Variants in MYO16 observed in about 807,000 individuals in gnomAD.
MYO16 encodes unconventional myosin-XVI.
A neutral mutation model predicts 205.3 loss-of-function variants in MYO16; 94 were observed. That is an observed-to-expected ratio of 0.46 (90% CI 0.39 to 0.54). The LOEUF is 0.54. Among genes scored for constraint, MYO16 ranks in the 20% least tolerant of loss-of-function variants. MYO16 has a pLI of 0.00. For missense variants in MYO16, 2,315 were observed against 2,387.5 expected, an observed-to-expected ratio of 0.97 and a Z score of 0.63; for synonymous variants, 988 against 954.0, an observed-to-expected ratio of 1.04 and a Z score of -0.66.
At chr13:108,846,669 C>A (rs80032015) in intron 10 of MYO16, among the ~76,000 whole-genome samples, 2,643 of 152,024 alleles carry the variant, frequency 0.017, 87 homozygotes, top group East Asian at 0.12. Flanking sequence ...TTATTTTCCT[C>A]ATATTTTAAT....
the MYO16 span, among the ~76,000 whole-genome samples, chr13:108,524,661 A>G: frequency 6.6e-6 from 1 of 152,132 alleles, no homozygotes; most frequent in East Asian, 1.9e-4. Flanking sequence ...TCTTTGAAAC[A>G]CCTTCACCTT....
chr13:108,659,110 A>T (rs1881376870), intron 1 of MYO16, among the ~76,000 whole-genome samples: 2 of 149,872 alleles, frequency 1.3e-5, no homozygotes, highest in Admixed American at 1.3e-4. Flanking sequence ...TTATATTTCT[A>T]GTTAGTTATA....
chr13:109,087,918 T>C (rs975862981), intron 27 of MYO16, among the ~76,000 whole-genome samples: 1 of 152,204 alleles, frequency 6.6e-6, no homozygotes, highest in African/African-American at 2.4e-5. Context: ...CAAATGAACA[T>C]CTGTTCTTTT....
intron 3 of MYO16, among the ~76,000 whole-genome samples, chr13:108,724,897 T>A (rs1594242430): frequency 2.0e-4 from 1 of 5,076 alleles, no homozygotes; most frequent in Admixed American, 3.6e-3. Context: ...AATGAAAAAA[T>A]ATATATAACT....
At position 108,980,363 on chromosome 13, in the gene MYO16, G is replaced by C. The variant is rs147831549; in HGVS notation, c.2370-12013G>C. Among the ~76,000 whole-genome samples, 28 of 152,270 alleles carry C rather than the reference G, an allele frequency of 1.8e-4. No individual in the cohort carries two copies. In the East Asian group the frequency reaches 5.2e-3, roughly 28 times the overall value. The stretch of plus-strand genomic sequence containing the variant: ...TGCTCTTGTTTCATTTCTAACTGGG[G>C]AAATGCATTTGGCCTCTTTTCAACC... On this transcript the variant is annotated intron_variant, in intron 20 of 34. Transcript: ENST00000457511.
the MYO16 span, among the ~76,000 whole-genome samples, chr13:108,569,379 T>C: frequency 6.6e-6 from 1 of 152,196 alleles, no homozygotes; most frequent in Admixed American, 6.5e-5. Flanking sequence ...CTACTTCTTT[T>C]GTTAAATTTA....
At chr13:108,932,684 G>C (rs1443521194) in intron 16 of MYO16, among the ~76,000 whole-genome samples, 2 of 152,090 alleles carry the variant, frequency 1.3e-5, no homozygotes, top group Non-Finnish European at 2.9e-5. Context: ...CTTGTTGTCT[G>C]GCTGTGCATC....
At position 108,706,134 on chromosome 13, in the gene MYO16, T is replaced by C. The variant is rs116764811; in HGVS notation, c.293-6527T>C. ...TTTCGTAATAACTCCAACCAACATGTACAAGAAATAATGATAAAACCTTCT... is the reference window on the plus strand; with the variant it reads ...TTTCGTAATAACTCCAACCAACATGCACAAGAAATAATGATAAAACCTTCT... On this transcript the variant is annotated intron_variant, in intron 2 of 34. Coordinates refer to ENST00000457511, the MANE Select transcript of MYO16 (RefSeq NM_001198950.3). Among the ~76,000 whole-genome samples, 277 of 152,288 alleles carry C rather than the reference T, an allele frequency of 1.8e-3. 1 individual carries two copies. The highest frequency in any genetic ancestry group is 6.4e-3 in the African/African-American group (266 of 41,564).
At chr13:108,775,909 G>A (rs933156468) in intron 4 of MYO16, among the ~76,000 whole-genome samples, 4 of 152,274 alleles carry the variant, frequency 2.6e-5, no homozygotes, top group South Asian at 2.1e-4. Context: ...TTCGAAGCAC[G>A]TCACCTTAGC....
the MYO16 span, among the ~76,000 whole-genome samples, chr13:108,539,492 G>A: frequency 6.6e-6 from 1 of 152,102 alleles, no homozygotes; most frequent in East Asian, 1.9e-4. Flanking sequence ...GAAACCAGGA[G>A]AAGAAGGTGT....
intron 27 of MYO16, among the ~76,000 whole-genome samples, chr13:109,082,604 G>T (rs1198832760): frequency 6.6e-6 from 1 of 152,084 alleles, no homozygotes; most frequent in Non-Finnish European, 1.5e-5. Context: ...GGAGACTAAG[G>T]CGAGTGGATC....
At position 108,662,208 on chromosome 13, in the gene MYO16, C is replaced by A. The variant is rs541337363; in HGVS notation, c.29-3678C>A. 2.2e-3 allele frequency among the ~76,000 whole-genome samples: 339 copies of A among 152,310 alleles called. 4 individuals are homozygous for A. The highest frequency in any genetic ancestry group is 2.7e-3 in the Non-Finnish European group (186 of 68,020). ...AGGTGGTGAAGGCTGCAGTGGACTG[C>A]ATAAGTGTCCTTGGCTTTGGTGGTT... On this transcript the variant is annotated intron_variant, in intron 1 of 34. Coordinates refer to ENST00000457511, the MANE Select transcript of MYO16 (RefSeq NM_001198950.3).
intron 12 of MYO16, among the ~76,000 whole-genome samples, chr13:108,879,188 A>T (rs561480558): frequency 6.6e-6 from 1 of 152,176 alleles, no homozygotes; most frequent in Non-Finnish European, 1.5e-5. Context: ...TTTGTACTTG[A>T]TGTAAGTGAA....
intron 3 of MYO16, among the ~76,000 whole-genome samples, chr13:108,718,507 A>G (rs958810015): frequency 2.0e-5 from 3 of 150,620 alleles, no homozygotes; most frequent in East Asian, 4.2e-4. Context: ...AGGATGTGGA[A>G]TGGGGGCCCC....
chr13:108,931,070 T>G (rs964344994), intron 16 of MYO16, among the ~76,000 whole-genome samples: 2 of 152,210 alleles, frequency 1.3e-5, no homozygotes, highest in Non-Finnish European at 2.9e-5. Context: ...GGCTCCCCTG[T>G]AAATACACCC....
chr13:108,577,361 G>A, the MYO16 span, among the ~76,000 whole-genome samples: 1 of 152,170 alleles, frequency 6.6e-6, no homozygotes, highest in Non-Finnish European at 1.5e-5. Flanking sequence ...ATAGGATGAG[G>A]ATAATGAGAG....
chr13:109,007,539 CGTGTGTGTGTGT>C (rs71125360), intron 21 of MYO16, among the ~76,000 whole-genome samples: 6,065 of 133,586 alleles, frequency 0.045, 176 homozygotes, highest in South Asian at 0.11. Flanking sequence ...AGAAATCAGC[CGTGTGTGTGTGT>C]GTGTGTGTGT....
At chr13:109,174,076 T>A (rs1879054183) in intron 33 of MYO16, among the ~76,000 whole-genome samples, 1 of 151,786 alleles carries the variant, frequency 6.6e-6, no homozygotes. Context: ...CCTTGGCAGG[T>A]TTTGTACATG....
chr13:108,764,253 A>G (rs183155233), intron 4 of MYO16, among the ~76,000 whole-genome samples: 1 of 152,326 alleles, frequency 6.6e-6, no homozygotes, highest in African/African-American at 2.4e-5. Flanking sequence ...AAAGCAAAAG[A>G]AATATAGGTG....
Sources: gnomAD v4.1 joint callset for allele counts (sites outside exome capture counted in the v4.1 genomes callset) on GRCh38, gnomAD v4.1.1 for gene constraint, MANE v1.5 for transcripts, NCBI Gene and HGNC (gene_info 2026-07-23, HGNC 2026-07-21) for gene names.